ENO4: variants seen among roughly 807,000 people sequenced by gnomAD.
The protein encoded by ENO4 is 2-phospho-D-glycerate hydro-lyase.
Under a neutral mutation model 63.2 loss-of-function variants are expected in ENO4, and 53 were observed. The ratio of observed to expected loss-of-function variants is 0.84; its 90% confidence interval spans 0.67 to 1.05. ENO4 has a LOEUF of 1.05. Ranked by LOEUF, ENO4 falls within the 50% of genes least tolerant of loss-of-function variation. ENO4 has a pLI of 0.00. For synonymous variants in ENO4, 266 were observed against 283.8 expected, an observed-to-expected ratio of 0.94 and a Z score of 0.63; for missense variants, 719 against 772.0, an observed-to-expected ratio of 0.93 and a Z score of 0.81.
At chr10:116,899,129 A>G (rs1022274557) in intron 10 of ENO4, among the ~76,000 whole-genome samples, 1 of 152,236 alleles carries the variant, frequency 6.6e-6, no homozygotes, top group Non-Finnish European at 1.5e-5. Flanking sequence ...TGTGTAAGAC[A>G]CACCAGTAGA....
intron 8 of ENO4, among the ~76,000 whole-genome samples, chr10:116,869,889 A>G (rs917087370): frequency 4.1e-5 from 5 of 122,764 alleles, no homozygotes; most frequent in Non-Finnish European, 6.7e-5. Context: ...AACTTAGTTA[A>G]CTCCGTAAAA....
chr10:116,875,561 T>TCACATACACACACACACACA (rs1554902985), intron 10 of ENO4, among the ~76,000 whole-genome samples: 3 of 148,014 alleles, frequency 2.0e-5, no homozygotes, highest in African/African-American at 7.5e-5. Flanking sequence ...TCCAGGCTGG[T>TCACATACACACACACACACA]CACACACACA....
At chr10:116,893,562 A>C (rs1356098616) in intron 10 of ENO4, among the ~76,000 whole-genome samples, 1 of 151,472 alleles carries the variant, frequency 6.6e-6, no homozygotes, top group African/African-American at 2.4e-5. Flanking sequence ...CCCCTCCCTG[A>C]TAGGCACTCA....
downstream of ENO4, chr10:116,883,190 C>A (rs986292538): frequency 2.0e-5 from 3 of 152,150 alleles, no homozygotes; most frequent in Non-Finnish European, 4.4e-5. Context: ...ACTGCACTCA[C>A]CAATGGATAA....
chr10:116,908,442 A>G (rs950797114), intron 10 of ENO4, among the ~76,000 whole-genome samples: 1 of 152,216 alleles, frequency 6.6e-6, no homozygotes, highest in Non-Finnish European at 1.5e-5. Context: ...GACAAGATAC[A>G]GAAAATAGAA....
downstream of ENO4, chr10:116,911,955 T>TC: frequency 2.7e-6 from 2 of 750,376 alleles, no homozygotes; most frequent in Non-Finnish European, 4.6e-6. Flanking sequence ...TATGTATGAC[T>TC]ATATATATTT....
rs1310857269 is a variant in ENO4 at position 116,860,872 on chromosome 10, T to C, written c.713T>C (p.Ile238Thr). The change falls in exon 5 of 14, where the codon ATA (isoleucine) becomes ACA (threonine). Residue 238 changes from isoleucine to threonine, a missense_variant. By Grantham distance (89) the Ile-to-Thr change is moderately conservative (BLOSUM62 -1). Around this residue, in one of 3 missense-constraint regions of ENO4, gnomAD observed 544 missense variants for 583.6 expected, o/e 0.93. Transcript: ENST00000341276. ...VEPVLSGSMA[I>T]GAVSLAVAKA... ...CCTGTACTCAGTGGCAGTATGGCCATAGGGGCCGTGTCACTAGCTGTTGCC... is the reference window on the plus strand; with the variant it reads ...CCTGTACTCAGTGGCAGTATGGCCACAGGGGCCGTGTCACTAGCTGTTGCC... The C allele has an allele frequency of 5.2e-6, 8 of 1,549,814 alleles. No individual in the cohort carries two copies. The highest frequency in any genetic ancestry group is 2.4e-5 in the South Asian group (2 of 83,966).
chr10:116,855,709 C>A lies in ENO4; in HGVS notation c.252C>A (p.Thr84=). 1 of 1,536,502 alleles carries A rather than the reference C, an allele frequency of 6.5e-7. No individual in the cohort carries two copies. The highest frequency in any genetic ancestry group is 8.7e-7 in the Non-Finnish European group (1 of 1,146,996). Residue 84 remains threonine, a synonymous_variant, in exon 2 of 14, where the codon ACC becomes ACA. Coordinates refer to ENST00000341276, the MANE Select transcript of ENO4 (RefSeq NM_001242699.2). The stretch of plus-strand genomic sequence containing the variant: ...TACTAGATGGACTGGGGCTTCCAAC[C>A]CTGCAAGTGGACATATTCTGCACCA... The part of the protein sequence containing the change: ...KDVLDGLGLP[T]LQVDIFCTIQ...
intron 11 of ENO4, among the ~76,000 whole-genome samples, chr10:116,878,910 A>ATTT (rs1401773639): frequency 1.3e-5 from 2 of 151,634 alleles, no homozygotes; most frequent in African/African-American, 4.8e-5. Flanking sequence ...CGCCCGGCTA[A>ATTT]TTTTTTGTAT....
At chr10:116,867,402 T>G (rs1373214656) in intron 7 of ENO4, among the ~76,000 whole-genome samples, 1 of 142,342 alleles carries the variant, frequency 7.0e-6, no homozygotes, top group African/African-American at 2.6e-5. Context: ...TGAGACCCTG[T>G]CTCTACAAAA....
chr10:116,849,796 ACGCCTTG>A, intron 1 of ENO4, 65 bp downstream of exon 1: 1 of 1,434,876 alleles, frequency 7.0e-7, no homozygotes, highest in Non-Finnish European at 9.2e-7. Context: ...CGCTGCGGCA[ACGCCTTG>A]CGCCTGCGCC....
chr10:116,849,837 A>G (rs1320717746), intron 1 of ENO4, 106 bp downstream of exon 1: 1 of 1,294,746 alleles, frequency 7.7e-7, no homozygotes, highest in African/African-American at 1.5e-5. Context: ...CTCGCATGCC[A>G]GCCGCCCGGG....
chr10:116,861,232 A>AT (rs758025144), intron 6 of ENO4, 42 bp downstream of exon 6: 198 of 514,004 alleles, frequency 3.9e-4, no homozygotes, highest in Admixed American at 8.3e-4. Context: ...AAAAAAAAAA[A>AT]AAAAATATAT....
At chr10:116,874,008 C>T in intron 9 of ENO4, 68 bp from the exon 10 acceptor site, 1 of 1,447,270 alleles carries the variant, frequency 6.9e-7, no homozygotes, top group East Asian at 2.5e-5. Context: ...CGAATCTGAA[C>T]CGTATCTTTG....
chr10:116,901,088 C>T, intron 10 of ENO4: 1 of 985,362 alleles, frequency 1.0e-6, no homozygotes, highest in Non-Finnish European at 1.2e-6. Flanking sequence ...CTCACCTCTT[C>T]CTTTTCTTTA....
At chr10:116,874,813 T>C (rs1008298615) in intron 10 of ENO4, among the ~76,000 whole-genome samples, 4 of 152,092 alleles carry the variant, frequency 2.6e-5, no homozygotes, top group Admixed American at 6.6e-5. Flanking sequence ...GCTGTGACTA[T>C]AGGCGTGCAC....
intron 6 of ENO4, 65 bp from the exon 7 acceptor site, chr10:116,862,734 A>G (rs1325446359): frequency 4.1e-6 from 5 of 1,215,806 alleles, no homozygotes; most frequent in Non-Finnish European, 5.9e-6. Context: ...GCCACGTGTT[A>G]TAAGTTTTTA....
chr10:116,855,477 C>A, intron 1 of ENO4, 146 bp from the exon 2 acceptor site: 1 of 984,462 alleles, frequency 1.0e-6, no homozygotes, highest in South Asian at 1.6e-5. Flanking sequence ...ATCCTGGCAT[C>A]AGGAAGAATA....
chr10:116,862,292 C>T (rs1237967662), intron 6 of ENO4, among the ~76,000 whole-genome samples: 4 of 151,866 alleles, frequency 2.6e-5, no homozygotes, highest in African/African-American at 4.8e-5. Flanking sequence ...GGCAAAACCC[C>T]GTCTCTACTA....
Sources: allele counts gnomAD v4.1 joint callset (sites outside exome capture counted in the v4.1 genomes callset), GRCh38; gene constraint gnomAD v4.1.1; regional missense constraint gnomAD v4.1.1; transcripts MANE v1.5; gene names NCBI Gene and HGNC (gene_info 2026-07-23, HGNC 2026-07-21).